Variants in LRRC4C observed in about 807,000 individuals in gnomAD.
The protein encoded by LRRC4C is leucine rich repeat containing 4C, also known as leucine-rich repeat-containing protein 4C.
A neutral mutation model predicts 33.6 loss-of-function variants in LRRC4C; 5 were observed. The ratio of observed to expected loss-of-function variants is 0.15; its 90% CI spans 0.08 to 0.31. The LOEUF (loss-of-function observed/expected upper bound fraction) is 0.31. Among genes scored for constraint, LRRC4C ranks in the 10% least tolerant of loss-of-function variants. LRRC4C has a pLI of 1.00. For synonymous variants in LRRC4C, 329 were observed against 302.0 expected, an observed-to-expected ratio of 1.09 and a Z score of -0.93; for missense variants, 560 against 796.7, an observed-to-expected ratio of 0.70 and a Z score of 3.58.
intron 5 of LRRC4C, among the ~76,000 whole-genome samples, chr11:40,167,248 G>A (rs1178855315): frequency 1.3e-5 from 2 of 152,040 alleles, no homozygotes; most frequent in African/African-American, 4.8e-5. Context: ...CCTCTGTTTC[G>A]ACCACTTTTC....
At chr11:40,282,400 T>C (rs535270374) in intron 4 of LRRC4C, among the ~76,000 whole-genome samples, 2 of 152,126 alleles carry the variant, frequency 1.3e-5, no homozygotes, top group East Asian at 3.9e-4. Flanking sequence ...CTGGCATACC[T>C]TCCCAAATCC....
intron 2 of LRRC4C, among the ~76,000 whole-genome samples, chr11:40,904,812 G>A (rs1359175061): frequency 2.0e-5 from 3 of 152,042 alleles, no homozygotes; most frequent in East Asian, 1.9e-4. Flanking sequence ...CCTTCTTTAT[G>A]TCTTGATTTT....
chr11:40,413,016 C>A (rs1419186842), intron 3 of LRRC4C, among the ~76,000 whole-genome samples: 1 of 152,030 alleles, frequency 6.6e-6, no homozygotes, highest in Non-Finnish European at 1.5e-5. Context: ...TGTACATTTT[C>A]TTTTGATTCC....
At chr11:40,407,761 C>G (rs1950012699) in intron 3 of LRRC4C, among the ~76,000 whole-genome samples, 1 of 151,950 alleles carries the variant, frequency 6.6e-6, no homozygotes, top group Non-Finnish European at 1.5e-5. Flanking sequence ...AACATACAAT[C>G]AGTATAAAGA....
intron 2 of LRRC4C, among the ~76,000 whole-genome samples, chr11:40,658,995 T>G (rs2861930): frequency 6.6e-6 from 1 of 152,042 alleles, no homozygotes; most frequent in East Asian, 1.9e-4. Context: ...AGTTGGCAGG[T>G]TGGGAGCCCC....
intron 3 of LRRC4C, among the ~76,000 whole-genome samples, chr11:40,464,387 T>C (rs1022889686): frequency 1.3e-5 from 2 of 151,634 alleles, no homozygotes; most frequent in Admixed American, 1.3e-4. Context: ...TGAGGAAAAA[T>C]TGAAAGCTTT....
chr11:41,172,014 C>A (rs940749719), intron 1 of LRRC4C, among the ~76,000 whole-genome samples: 2 of 151,942 alleles, frequency 1.3e-5, no homozygotes, highest in Non-Finnish European at 2.9e-5. Flanking sequence ...TCAGATCTGC[C>A]ACAGAGAAGG....
intron 3 of LRRC4C, among the ~76,000 whole-genome samples, chr11:40,398,286 T>C (rs973278267): frequency 1.3e-5 from 2 of 152,062 alleles, no homozygotes; most frequent in Non-Finnish European, 2.9e-5. Context: ...TAAGCCAACA[T>C]ATAAATTTAC....
In LRRC4C at chr11:40,754,936, C is replaced by T. The variant is rs79309020; in HGVS notation, c.-406-106658G>A. On this transcript the variant is annotated intron_variant, in intron 2 of 6. Coordinates refer to ENST00000528697, the MANE Select transcript of LRRC4C (RefSeq NM_001258419.2). ...GTCCCTTGGTGAATGTAATTAAAAA[C>T]GATGGTCCTTTCTTTAGGAAAATCT... is the stretch of plus-strand genomic sequence containing the variant. Among the ~76,000 whole-genome samples the T allele has an allele frequency of 3.2e-3, 494 of 152,128 alleles. 4 individuals are homozygous for T. The highest frequency in any genetic ancestry group is 0.011 in the African/African-American group (468 of 41,532).
At chr11:40,417,603 C>T (rs1293882111) in intron 3 of LRRC4C, among the ~76,000 whole-genome samples, 4 of 152,028 alleles carry the variant, frequency 2.6e-5, no homozygotes, top group Admixed American at 6.6e-5. Flanking sequence ...CTACCTACCT[C>T]GGCCTCCCAA....
At chr11:41,233,613 CTCTT>C (rs939696716) in intron 1 of LRRC4C, among the ~76,000 whole-genome samples, 4 of 152,074 alleles carry the variant, frequency 2.6e-5, no homozygotes, top group Admixed American at 2.6e-4. Flanking sequence ...GGAAATATGA[CTCTT>C]TCTTTAGATA....
At chr11:41,050,915 C>A (rs916641081) in intron 1 of LRRC4C, among the ~76,000 whole-genome samples, 4 of 152,040 alleles carry the variant, frequency 2.6e-5, no homozygotes, top group Non-Finnish European at 5.9e-5. Context: ...AAAGAATTAC[C>A]TCAAGGCTAA....
chr11:40,497,446 A>T (rs1046622448), intron 3 of LRRC4C, among the ~76,000 whole-genome samples: 1 of 152,148 alleles, frequency 6.6e-6, no homozygotes. Flanking sequence ...AAATAAACTA[A>T]AACTTAAGCA....
chr11:40,379,594 G>C (rs1486118644), intron 3 of LRRC4C, among the ~76,000 whole-genome samples: 1 of 152,016 alleles, frequency 6.6e-6, no homozygotes, highest in African/African-American at 2.4e-5. Context: ...GAATATTGGA[G>C]AAGAAAAAAA....
intron 6 of LRRC4C, among the ~76,000 whole-genome samples, chr11:40,117,263 A>G (rs755208094): frequency 7.2e-5 from 11 of 152,182 alleles, no homozygotes; most frequent in Non-Finnish European, 1.5e-4. Context: ...CCTCAGCTGT[A>G]AGCACTGGCA....
At chr11:40,731,212 G>A (rs900178514) in intron 2 of LRRC4C, among the ~76,000 whole-genome samples, 21 of 151,946 alleles carry the variant, frequency 1.4e-4, no homozygotes, top group African/African-American at 4.1e-4. Context: ...CCAGCTACTC[G>A]GGAGGCTGAG....
chr11:40,579,342 G>A (rs2135628602), intron 3 of LRRC4C, among the ~76,000 whole-genome samples: 1 of 151,060 alleles, frequency 6.6e-6, no homozygotes, highest in East Asian at 2.0e-4. Context: ...AAAAGGAATA[G>A]AAAAAAAAGT....
intron 3 of LRRC4C, among the ~76,000 whole-genome samples, chr11:40,557,486 T>A (rs1182401001): frequency 6.6e-6 from 1 of 152,222 alleles, no homozygotes; most frequent in African/African-American, 2.4e-5. Context: ...CTGAAACGAT[T>A]ATCTTTATGA....
intron 1 of LRRC4C, among the ~76,000 whole-genome samples, chr11:40,978,938 T>C (rs1262852401): frequency 1.3e-5 from 2 of 152,124 alleles, no homozygotes; most frequent in African/African-American, 4.8e-5. Flanking sequence ...CATCTCTTTT[T>C]CCTTTTTTGA....
Sources: gnomAD v4.1 joint callset for allele counts (sites outside exome capture counted in the v4.1 genomes callset) on GRCh38, gnomAD v4.1.1 for gene constraint, MANE v1.5 for transcripts, NCBI Gene and HGNC (gene_info 2026-07-23, HGNC 2026-07-21) for gene names.